The following SERPINB8 variants were observed in gnomAD, a reference collection of about 807,000 sequenced individuals.
SERPINB8 encodes the protein serpin B8.
SERPINB8 carries 25 observed loss-of-function variants against 35.3 expected under a neutral mutation model. The observed-to-expected ratio is 0.71, with a 90% CI of 0.52 to 0.99. The LOEUF (loss-of-function observed/expected upper bound fraction) is 0.99. SERPINB8 is among the 50% of genes least tolerant of loss of function. The probability of loss-of-function intolerance (pLI) is 0.00; values close to 1 mark genes in which losing one functional copy is unlikely to be tolerated. For missense variants in SERPINB8, 484 were observed against 446.5 expected, an observed-to-expected ratio of 1.08 and a Z score of -0.76; for synonymous variants, 186 against 160.8, an observed-to-expected ratio of 1.16 and a Z score of -1.19.
At chr18:63,985,910 G>A (rs774922416) in intron 6 of SERPINB8, among the ~76,000 whole-genome samples, 52 of 152,142 alleles carry the variant, frequency 3.4e-4, no homozygotes, top group Non-Finnish European at 7.1e-4. Context: ...TATAAAGTTT[G>A]CTGATTCTCA....
chr18:63,994,721 C>T (rs529129061), intron 1 of SERPINB8, among the ~76,000 whole-genome samples: 2 of 152,066 alleles, frequency 1.3e-5, no homozygotes, highest in Non-Finnish European at 2.9e-5. Context: ...ATAGTAGCCC[C>T]GCAAGTCACC....
intron 1 of SERPINB8, among the ~76,000 whole-genome samples, chr18:63,974,363 T>G (rs2144788214): frequency 6.6e-6 from 1 of 152,272 alleles, no homozygotes; most frequent in Admixed American, 6.5e-5. Flanking sequence ...ATAAACTCAC[T>G]TTTGGATGTT....
chr18:63,979,876 A>G lies in SERPINB8; in HGVS notation c.244A>G (p.Thr82Ala). The G allele has an allele frequency of 6.2e-7, 1 of 1,614,070 alleles. No homozygotes were observed. Reference sequence around the variant, plus strand: ...TCTCAGTGAAGTTAACAGAACTGGCACTCAGTACTTGCTTAGAACTGCCAA... The same window carrying G: ...TCTCAGTGAAGTTAACAGAACTGGCGCTCAGTACTTGCTTAGAACTGCCAA... Reference protein sequence around the residue: ...SLLSEVNRTGTQYLLRTANRL... With the variant: ...SLLSEVNRTGAQYLLRTANRL... The change falls in exon 3 of 7, where the codon ACT becomes GCT. Residue 82 changes from threonine (T) to alanine (A), a missense_variant. Thr to Ala is a moderately conservative substitution (Grantham distance 58). Coordinates refer to ENST00000397985, the MANE Select transcript of SERPINB8 (RefSeq NM_002640.4).
chr18:63,989,541 G>A (rs1203363245), downstream of SERPINB8, among the ~76,000 whole-genome samples: 2 of 152,098 alleles, frequency 1.3e-5, no homozygotes, highest in Non-Finnish European at 2.9e-5. Flanking sequence ...GGAGAGTTCT[G>A]GTTTTTCTCT....
chr18:63,979,813 T>C lies in SERPINB8; in HGVS notation c.181T>C (p.Tyr61His), dbSNP rs1411742560. ...AAQMSQALCL[Y>H]KDGDIHRGFQ... Reference sequence around the variant, plus strand: ...TTTCTGTTCCCAGGCACTTTGTTTATACAAAGACGGAGATATTCACCGAGG... The same window carrying C: ...TTTCTGTTCCCAGGCACTTTGTTTACACAAAGACGGAGATATTCACCGAGG... The change falls in exon 3 of 7, where the codon TAC becomes CAC. Residue 61 changes from tyrosine to histidine, a missense_variant. Tyr to His is a moderately conservative substitution (Grantham distance 83). Coordinates refer to ENST00000397985, the MANE Select transcript of SERPINB8 (RefSeq NM_002640.4). 20 of 1,613,990 alleles carry C rather than the reference T, an allele frequency of 1.2e-5. No homozygotes were observed. The highest frequency in any genetic ancestry group is 4.0e-5 in the African/African-American group (3 of 74,926).
intron 1 of SERPINB8, among the ~76,000 whole-genome samples, chr18:63,971,569 T>C (rs1229383488): frequency 2.6e-5 from 4 of 152,248 alleles, no homozygotes; most frequent in Non-Finnish European, 5.9e-5. Context: ...GCTCTGTCCC[T>C]ATGTGAGCAG....
rs79774434 is a variant in SERPINB8, at chr18:64,005,106, T to G, written c.*228T>G. The G allele has an allele frequency of 1.6e-4, 56 of 359,066 alleles. No individual in the cohort carries two copies. The East Asian group carries it at 2.1e-3, about 14-fold the overall frequency. 22.2% of individuals were successfully genotyped at this position (359,066 alleles called of 1,614,324 possible). On this transcript the variant is annotated 3_prime_UTR_variant, in exon 2 of 2. Transcript: ENST00000493661. Reference sequence around the variant, plus strand: ...TGTCCAAGAAGGAAATATAAAAGGATTTGGTTATGGTAGTTATCAAGACAT... The same window carrying G: ...TGTCCAAGAAGGAAATATAAAAGGAGTTGGTTATGGTAGTTATCAAGACAT...
downstream of SERPINB8, among the ~76,000 whole-genome samples, chr18:63,990,772 C>A (rs546471062): frequency 6.8e-6 from 1 of 147,114 alleles, no homozygotes; most frequent in Non-Finnish European, 1.5e-5. Flanking sequence ...CTTTAAAAAG[C>A]AGTTCTTAAT....
At chr18:63,979,710 T>G (rs1039070992) in intron 2 of SERPINB8, 91 bp from the exon 3 acceptor site, 34 of 1,458,586 alleles carry the variant, frequency 2.3e-5, no homozygotes, top group Non-Finnish European at 3.0e-5. Flanking sequence ...GGATCCTGTG[T>G]GGTTTTTTTA....
At chr18:63,996,706 C>G (rs1324364921) in intron 1 of SERPINB8, among the ~76,000 whole-genome samples, 1 of 152,204 alleles carries the variant, frequency 6.6e-6, no homozygotes, top group East Asian at 1.9e-4. Context: ...GACTTTCACG[C>G]AGCAACCCAA....
intron 3 of SERPINB8, among the ~76,000 whole-genome samples, chr18:63,981,020 A>T (rs1381271852): frequency 6.6e-6 from 1 of 152,234 alleles, no homozygotes; most frequent in South Asian, 2.1e-4. Flanking sequence ...ACACAAACAC[A>T]CATACACATG....
chr18:64,003,661 G>A (rs1386382243), intron 1 of SERPINB8, among the ~76,000 whole-genome samples: 1 of 152,104 alleles, frequency 6.6e-6, no homozygotes, highest in Admixed American at 6.5e-5. Flanking sequence ...AGTAGTTCCA[G>A]CCTGAATGTG....
exon 2 of SERPINB8, chr18:64,005,622 G>C (rs1340677580): frequency 6.6e-6 from 1 of 152,150 alleles, no homozygotes; most frequent in Non-Finnish European, 1.5e-5. Flanking sequence ...GGACTTCCCA[G>C]CCTCTAAAAT....
chr18:63,971,142 TG>T (rs149354123), intron 1 of SERPINB8, among the ~76,000 whole-genome samples: 1,526 of 152,254 alleles, frequency 0.01, 35 homozygotes, highest in East Asian at 0.076. Flanking sequence ...CCCTGATGGC[TG>T]GGTCTCAGTC....
At chr18:63,991,937 G>C (rs928555024), downstream of SERPINB8, among the ~76,000 whole-genome samples, 5 of 152,078 alleles carry the variant, frequency 3.3e-5, no homozygotes, top group African/African-American at 1.2e-4. Flanking sequence ...TGTTAATATT[G>C]GGATTAATTT....
chr18:63,989,140 C>A lies in SERPINB8; in HGVS notation c.*1862C>A, dbSNP rs557768217. ...TTTAAAGAAATTTACATACATGGAA[C>A]CATACATCATCTATGCTTTGTAGTA... On this transcript the variant is annotated 3_prime_UTR_variant, in exon 7 of 7. Transcript: ENST00000397985. The A allele has an allele frequency of 1.3e-5, 2 of 152,308 alleles. No individual in the cohort carries two copies. The highest frequency in any genetic ancestry group is 4.1e-4 in the South Asian group (2 of 4,828). 9.4% of individuals were successfully genotyped at this position (152,308 alleles called of 1,614,324 possible). A position where few individuals can be genotyped will look rare whatever the true frequency, so the allele number is the denominator to read the frequency against.
At chr18:63,980,799 C>T (rs556175263) in intron 3 of SERPINB8, among the ~76,000 whole-genome samples, 1 of 152,326 alleles carries the variant, frequency 6.6e-6, no homozygotes, top group South Asian at 2.1e-4. Context: ...TCTATATCCT[C>T]TTTCTTTGGC....
At chr18:63,972,531 A>C (rs1301105515) in intron 1 of SERPINB8, among the ~76,000 whole-genome samples, 1 of 152,052 alleles carries the variant, frequency 6.6e-6, no homozygotes, top group Non-Finnish European at 1.5e-5. Flanking sequence ...GTAAAAGTGC[A>C]CAATATGCAA....
At chr18:63,998,128 C>A (rs1400054464) in intron 1 of SERPINB8, among the ~76,000 whole-genome samples, 2 of 152,168 alleles carry the variant, frequency 1.3e-5, no homozygotes, top group Non-Finnish European at 2.9e-5. Flanking sequence ...AGGGACAGAT[C>A]CTTCTGGTCA....
Sources: gnomAD v4.1 joint callset for allele counts (sites outside exome capture counted in the v4.1 genomes callset) on GRCh38, gnomAD v4.1.1 for gene constraint, MANE v1.5 for transcripts, NCBI Gene and HGNC (gene_info 2026-07-23, HGNC 2026-07-21) for gene names.